BCAS4: variants seen among roughly 807,000 people sequenced by gnomAD.
The protein encoded by BCAS4 is breast carcinoma amplified sequence 4, also known as breast carcinoma-amplified sequence 4.
In BCAS4, 9 loss-of-function variants were observed where a neutral mutation model predicts 15.7. The observed-to-expected ratio is 0.57, with a 90% CI of 0.34 to 1.00. BCAS4 has a LOEUF of 1.00. BCAS4 is among the 50% of genes least tolerant of loss of function. The pLI, the probability that BCAS4 is intolerant of heterozygous loss-of-function variation, is 0.02. For missense variants in BCAS4, 225 were observed against 239.1 expected (o/e 0.94, Z 0.39); for synonymous variants, 101 against 99.5 (o/e 1.02, Z -0.09).
intron 1 of BCAS4, among the ~76,000 whole-genome samples, chr20:50,796,526 TG>T (rs566629389): frequency 8.0e-4 from 83 of 103,872 alleles, no homozygotes; most frequent in African/African-American, 3.0e-3. Flanking sequence ...GATGGAGTCT[TG>T]CTCTGTCACC....
intron 4 of BCAS4, among the ~76,000 whole-genome samples, chr20:50,842,637 C>T (rs2088499172): frequency 1.3e-5 from 2 of 152,178 alleles, no homozygotes; most frequent in African/African-American, 2.4e-5. Flanking sequence ...AGGCTGGTCT[C>T]GAAGTCCTGA....
chr20:50,811,841 T>G (rs567742277), intron 1 of BCAS4, among the ~76,000 whole-genome samples: 1 of 152,330 alleles, frequency 6.6e-6, no homozygotes, highest in Non-Finnish European at 1.5e-5. Context: ...CAGGCTGATC[T>G]CAAACTCCTG....
At chr20:50,801,479 T>C (rs749441730) in intron 1 of BCAS4, among the ~76,000 whole-genome samples, 2 of 152,170 alleles carry the variant, frequency 1.3e-5, no homozygotes, top group Non-Finnish European at 2.9e-5. Flanking sequence ...TATGGTCTAC[T>C]GTCTCAAAGA....
intron 3 of BCAS4, among the ~76,000 whole-genome samples, chr20:50,833,857 G>T (rs1322576967): frequency 6.6e-6 from 1 of 152,202 alleles, no homozygotes; most frequent in Non-Finnish European, 1.5e-5. Context: ...AGGCCGGGTG[G>T]GGTGGGTCAG....
At chr20:50,841,942 C>G (rs6096118) in intron 4 of BCAS4, 42 bp downstream of exon 4, 23,716 of 1,522,550 alleles carry the variant, frequency 0.016, 364 homozygotes, top group African/African-American at 0.054. Flanking sequence ...GGCCTCTCCC[C>G]CTTCGCTCCG....
chr20:50,795,883 G>A (rs2087850623), intron 1 of BCAS4, among the ~76,000 whole-genome samples: 1 of 152,114 alleles, frequency 6.6e-6, no homozygotes, highest in Admixed American at 6.6e-5. Flanking sequence ...AAATCATTCC[G>A]GACATTTAAA....
At position 50,849,675 on chromosome 20, in the gene BCAS4, G is replaced by A. The variant is rs765133886; in HGVS notation, c.399+7775G>A. ...TACAGGAGTGGAACCTTTGCCTGGC[G>A]CCAGCCTCGCATAAATGGCGGCCAG... On this transcript the variant is annotated intron_variant, in intron 4 of 4. Coordinates refer to ENST00000371608, the MANE Select transcript of BCAS4 (RefSeq NM_198799.4). Among the ~76,000 whole-genome samples, 7 of 152,330 alleles carry A rather than the reference G, an allele frequency of 4.6e-5. No homozygotes were observed. In the South Asian group the frequency reaches 6.2e-4, roughly 14 times the overall value.
At chr20:50,798,593 A>G (rs575104949) in intron 1 of BCAS4, among the ~76,000 whole-genome samples, 44 of 152,356 alleles carry the variant, frequency 2.9e-4, no homozygotes, top group African/African-American at 5.8e-4. Flanking sequence ...GAAATTTTAC[A>G]TTCTGTTCTT....
At chr20:50,870,683 G>A (rs1224668022) in intron 4 of BCAS4, among the ~76,000 whole-genome samples, 2 of 152,236 alleles carry the variant, frequency 1.3e-5, no homozygotes, top group South Asian at 2.1e-4. Context: ...TGCTTTTCAC[G>A]GGAAATCTGA....
At chr20:50,841,030 A>G (rs146728404) in intron 3 of BCAS4, 6 of 370,448 alleles carry the variant, frequency 1.6e-5, no homozygotes, top group African/African-American at 1.1e-4. Context: ...CAGTTTCACC[A>G]TGTTGGCCAG....
rs537405602 is a variant in BCAS4, at chr20:50,840,520, C to T, written c.265-1246C>T. 3.0e-4 allele frequency: 416 copies of T among 1,387,498 alleles called. 1 individual carries two copies. The highest frequency in any genetic ancestry group is 2.7e-3 in the Middle Eastern group (11 of 4,048). The allele number at this position is 1,387,498 out of a possible 1,614,324, so 85.9% of individuals were successfully genotyped here. On this transcript the variant is annotated intron_variant, in intron 3 of 4. Coordinates refer to ENST00000371608, the MANE Select transcript of BCAS4 (RefSeq NM_198799.4). ...CACAGTCATTTAAACTTGATCCAACCTCTTTGCATCTTACAGAGTTAAACA... is the reference window on the plus strand; with the variant it reads ...CACAGTCATTTAAACTTGATCCAACTTCTTTGCATCTTACAGAGTTAAACA...
At chr20:50,813,768 C>T (rs1336738144) in intron 1 of BCAS4, among the ~76,000 whole-genome samples, 4 of 138,492 alleles carry the variant, frequency 2.9e-5, no homozygotes, top group Non-Finnish European at 6.0e-5. Flanking sequence ...GGGAAGCTTG[C>T]ACTGCCACTT....
At chr20:50,833,724 T>C (rs1346397744) in intron 3 of BCAS4, among the ~76,000 whole-genome samples, 2 of 152,210 alleles carry the variant, frequency 1.3e-5, no homozygotes, top group Non-Finnish European at 2.9e-5. Context: ...ACCCAAATCC[T>C]TGTCGTATTC....
intron 3 of BCAS4, among the ~76,000 whole-genome samples, chr20:50,833,208 T>G (rs2088364955): frequency 6.6e-6 from 1 of 152,106 alleles, no homozygotes; most frequent in Non-Finnish European, 1.5e-5. Flanking sequence ...GGAAGGATCC[T>G]GGGAAGCCAG....
rs372513733 is a variant in BCAS4 at position 50,872,219 on chromosome 20, G to A, written c.400-4267G>A. On this transcript the variant is annotated intron_variant, in intron 4 of 4. Coordinates refer to ENST00000371608, the MANE Select transcript of BCAS4 (RefSeq NM_198799.4). ...GCAGAGGCTTCGGTGAGCCAAGATTGCACCATTGCATTCCAGCCTGGGCAA... is the reference window on the plus strand; with the variant it reads ...GCAGAGGCTTCGGTGAGCCAAGATTACACCATTGCATTCCAGCCTGGGCAA... Among the ~76,000 whole-genome samples, 21 of 131,542 alleles carry A rather than the reference G, an allele frequency of 1.6e-4. No individual in the cohort carries two copies. The South Asian group carries it at 4.6e-3, about 29-fold the overall frequency. 86.3% of individuals were successfully genotyped at this position (131,542 alleles called of 152,430 possible). A position where few individuals can be genotyped will look rare whatever the true frequency, so the allele number is the denominator to read the frequency against.
At chr20:50,821,877 G>GA (rs575338738) in intron 2 of BCAS4, among the ~76,000 whole-genome samples, 5 of 152,088 alleles carry the variant, frequency 3.3e-5, no homozygotes, top group Non-Finnish European at 7.3e-5. Flanking sequence ...GCCAATTGTT[G>GA]GCACTTCACT....
intron 4 of BCAS4, among the ~76,000 whole-genome samples, chr20:50,868,242 C>T (rs144530403): frequency 7.1e-4 from 108 of 152,316 alleles, no homozygotes; most frequent in African/African-American, 2.5e-3. Flanking sequence ...TGTGCAGTTT[C>T]TTTCCCCACT....
chr20:50,872,263 C>CA (rs71192504), intron 4 of BCAS4, among the ~76,000 whole-genome samples: 7,162 of 62,696 alleles, frequency 0.11, 688 homozygotes, highest in African/African-American at 0.22. Context: ...GACTCTGTCT[C>CA]AAAAAAAAAA....
Position 50,795,154 on chromosome 20 carries a change from C to A in BCAS4, c.71C>A (p.Thr24Asn). 2.1e-6 allele frequency: 3 copies of A among 1,460,838 alleles called. No individual in the cohort carries two copies. Among genetic ancestry groups the A allele is most frequent in the Non-Finnish European group, 2.7e-6 (3 of 1,101,756 alleles). The allele number at this position is 1,460,838 out of a possible 1,614,324, so 90.5% of individuals were successfully genotyped here. ...SGARELALFL[T>N]PEPGAEAKEV... The stretch of plus-strand genomic sequence containing the variant: ...GCGCGCGAGCTCGCGCTCTTCCTGA[C>A]CCCCGAGCCTGGGGCCGAGGTAGGG... The change falls in exon 1 of 5, where the codon ACC (threonine) becomes AAC (asparagine). Residue 24 changes from threonine (T) to asparagine (N), a missense_variant. Coordinates refer to ENST00000371608, the MANE Select transcript of BCAS4 (RefSeq NM_198799.4).
Sources: gnomAD v4.1 joint callset for allele counts (sites outside exome capture counted in the v4.1 genomes callset) on GRCh38, gnomAD v4.1.1 for gene constraint, MANE v1.5 for transcripts, NCBI Gene and HGNC (gene_info 2026-07-23, HGNC 2026-07-21) for gene names.